The following NUP188 variants were observed in gnomAD, a reference collection of about 807,000 sequenced individuals.
The protein encoded by NUP188 is nucleoporin NUP188.
NUP188 carries 97 observed loss-of-function variants against 223.0 expected under a neutral mutation model. That is an observed-to-expected ratio of 0.43 (90% confidence interval 0.37 to 0.51). The LOEUF (loss-of-function observed/expected upper bound fraction) is 0.51, where lower values mean the gene tolerates loss of function less well. Ranked by LOEUF, NUP188 falls within the 20% of genes least tolerant of loss-of-function variation. The probability of loss-of-function intolerance (pLI) is 0.00; values close to 1 mark genes in which losing one functional copy is unlikely to be tolerated. For synonymous variants in NUP188, 869 were observed against 828.0 expected (o/e 1.05, Z -0.85); for missense variants, 1,947 against 2,175.6 (o/e 0.89, Z 2.09).
intron 29 of NUP188, 121 bp from the exon 30 acceptor site, chr9:128,995,198 C>A: frequency 1.3e-6 from 1 of 753,840 alleles, no homozygotes; most frequent in Non-Finnish European, 2.2e-6. Context: ...TGGAGGTGTC[C>A]TGGAGCCGTC....
intron 20 of NUP188, 142 bp downstream of exon 20, chr9:128,985,156 A>G (rs1244981455): frequency 6.4e-6 from 4 of 621,332 alleles, no homozygotes; most frequent in South Asian, 2.1e-5. Flanking sequence ...TACAGTGACA[A>G]CAGTTTCTAT....
At position 129,002,935 on chromosome 9, in the gene NUP188, C is replaced by T. The variant is rs17433024; in HGVS notation, c.4256C>T (p.Ala1419Val). The T allele has an allele frequency of 6.4e-3, 10,399 of 1,614,196 alleles. 57 individuals carry two copies. The highest frequency in any genetic ancestry group is 7.3e-3 in the Non-Finnish European group (8,578 of 1,180,034). ...CTGCGCTACAACTTCCTGCCTGAGG[C>T]CCTGGACTTCGTGGGTGTCCACCAG... ...KTLRYNFLPE[A>V]LDFVGVHQER... The change falls in exon 37 of 44, where the codon GCC becomes GTC. Residue 1419 changes from alanine (A) to valine (V), a missense_variant. This residue lies in a region of NUP188 where 905 missense variants were observed against 990.6 expected (regional missense o/e 0.91). Transcript: ENST00000372577.
intron 25 of NUP188, 75 bp downstream of exon 25, chr9:128,990,301 C>T (rs1842397924): frequency 2.6e-6 from 3 of 1,161,566 alleles, no homozygotes; most frequent in African/African-American, 1.5e-5. Context: ...AAGACATGCT[C>T]AGGCCACGTG....
At chr9:128,951,851 G>T (rs1841793031) in intron 2 of NUP188, among the ~76,000 whole-genome samples, 1 of 148,032 alleles carries the variant, frequency 6.8e-6, no homozygotes. Flanking sequence ...AGAGTGCATT[G>T]GTGCAATCTC....
intron 12 of NUP188, among the ~76,000 whole-genome samples, chr9:128,975,576 A>G (rs1166950352): frequency 3.4e-5 from 5 of 145,646 alleles, no homozygotes; most frequent in Non-Finnish European, 3.0e-5. Flanking sequence ...CTGGAGAGTA[A>G]GTAGCGTGAT....
At chr9:128,986,249 C>T (rs991618224) in intron 20 of NUP188, among the ~76,000 whole-genome samples, 2 of 152,100 alleles carry the variant, frequency 1.3e-5, no homozygotes, top group African/African-American at 4.8e-5. Flanking sequence ...TGGCATTGTT[C>T]ATCATCAGCA....
chr9:128,990,059 G>A (rs961140224), intron 24 of NUP188, 61 bp from the exon 25 acceptor site: 1 of 1,284,872 alleles, frequency 7.8e-7, no homozygotes, highest in Non-Finnish European at 1.1e-6. Context: ...TGAACAGTCA[G>A]TGCTCTAAGG....
intron 11 of NUP188, among the ~76,000 whole-genome samples, chr9:128,971,727 G>A (rs980289928): frequency 6.6e-6 from 1 of 150,736 alleles, no homozygotes; most frequent in African/African-American, 2.4e-5. Flanking sequence ...TAGTGAGCTC[G>A]TTTTGACATG....
chr9:128,966,128 CGTGTGTGTGTGTGTGTGTGTGTGTGT>C (rs34851120), intron 8 of NUP188, among the ~76,000 whole-genome samples: 3 of 136,750 alleles, frequency 2.2e-5, no homozygotes, highest in Non-Finnish European at 3.1e-5. Context: ...TTTCTGCCTC[CGTGTGTGTGTGTGTGTGTGTGTGTGT>C]GTGTGTGTGT....
rs749143014 is a variant in NUP188, at chr9:128,993,630, A to G, written c.2953A>G (p.Ile985Val). 3.1e-6 allele frequency: 5 copies of G among 1,614,168 alleles called. No homozygotes were observed. In the Admixed American group the frequency reaches 8.3e-5, roughly 27 times the overall value. The change falls in exon 27 of 44, where the codon ATT (isoleucine) becomes GTT (valine). Residue 985 changes from isoleucine to valine, a missense_variant. Ile to Val is a conservative substitution (Grantham distance 29, BLOSUM62 3). Transcript: ENST00000372577. ...CCCACCCCTGCTGCATCGTGCCGCCATTGCCTTTTTGCATGCTCTGTGGCA... is the reference window on the plus strand; with the variant it reads ...CCCACCCCTGCTGCATCGTGCCGCCGTTGCCTTTTTGCATGCTCTGTGGCA... Reference protein sequence around the residue: ...WCPPLLHRAAIAFLHALWQDR... With the variant: ...WCPPLLHRAAVAFLHALWQDR...
intron 33 of NUP188, 38 bp from the exon 34 acceptor site, chr9:128,999,586 G>A: frequency 1.3e-6 from 2 of 1,598,408 alleles, no homozygotes; most frequent in South Asian, 1.1e-5. Flanking sequence ...GAGTTGGCCT[G>A]GTGAGCATGA....
At chr9:128,996,431 T>A (rs1462662191) in intron 30 of NUP188, among the ~76,000 whole-genome samples, 1 of 152,180 alleles carries the variant, frequency 6.6e-6, no homozygotes, top group Non-Finnish European at 1.5e-5. Flanking sequence ...ATTACAGGTG[T>A]GAGCCACCAC....
chr9:129,003,991 A>C, intron 38 of NUP188: 1 of 206,446 alleles, frequency 4.8e-6, no homozygotes. Context: ...AAAAAAAAAA[A>C]AATGGCCGGG....
chr9:128,993,374 G>C lies in NUP188; in HGVS notation c.2818G>C (p.Glu940Gln). Residue 940 changes from glutamate (E) to glutamine (Q), a missense_variant, in exon 26 of 44, where the codon GAA becomes CAA. By Grantham distance (29) the Glu-to-Gln change is conservative. Around this residue, in one of 3 missense-constraint regions of NUP188, gnomAD observed 225 missense variants for 319.1 expected, o/e 0.71. Coordinates refer to ENST00000372577, the MANE Select transcript of NUP188 (RefSeq NM_015354.3). ...PGLIELFLNL[E>Q]VKDGSDGSKE... ...CCTCATCGAACTGTTTCTGAACCTG[G>C]AAGTTAAGGATGGCAGTGATGGCTC... The C allele has an allele frequency of 6.2e-7, 1 of 1,614,208 alleles. No homozygotes were observed. Among genetic ancestry groups the C allele is most frequent in the Non-Finnish European group, 8.5e-7 (1 of 1,180,024 alleles).
intron 3 of NUP188, among the ~76,000 whole-genome samples, chr9:128,955,814 C>T (rs941962142): frequency 4.0e-5 from 6 of 151,514 alleles, no homozygotes; most frequent in Non-Finnish European, 7.4e-5. Context: ...TATTATAAAG[C>T]AGGATCTGGG....
In NUP188 at chr9:128,983,387, T is replaced by A; in HGVS notation, c.1884+7T>A. The A allele has an allele frequency of 6.2e-7, 1 of 1,614,162 alleles. No homozygotes were observed. On this transcript the variant is annotated splice_region_variant and intron_variant, in intron 18 of 43. Transcript: ENST00000372577. ...TGCCCGCAATCCAGCAAAGGTGAGA[T>A]GCCAGATCTTCCCAAGAGCCAAAAA... is the stretch of plus-strand genomic sequence containing the variant.
chr9:128,960,269 A>T (rs1732804192), intron 8 of NUP188, among the ~76,000 whole-genome samples: 1 of 148,938 alleles, frequency 6.7e-6, no homozygotes. Context: ...GTTTTTTTTT[A>T]GTAGAGACAG....
chr9:128,955,180 A>ATGCTATGT (rs1841851997), intron 3 of NUP188, among the ~76,000 whole-genome samples: 1 of 152,086 alleles, frequency 6.6e-6, no homozygotes, highest in Middle Eastern at 3.4e-3. Flanking sequence ...ATCATAGCAG[A>ATGCTATGT]GAGTACATGC....
intron 6 of NUP188, 78 bp downstream of exon 6, chr9:128,958,132 C>A: frequency 1.7e-6 from 2 of 1,172,486 alleles, no homozygotes; most frequent in Non-Finnish European, 2.5e-6. Context: ...CTGAGCATTG[C>A]TGGCTTTTGA....
Sources: gnomAD v4.1 joint callset for allele counts (sites outside exome capture counted in the v4.1 genomes callset) on GRCh38, gnomAD v4.1.1 for gene constraint, gnomAD v4.1.1 regional missense constraint, MANE v1.5 for transcripts, NCBI Gene and HGNC (gene_info 2026-07-23, HGNC 2026-07-21) for gene names.